DHX36: variants seen among roughly 807,000 people sequenced by gnomAD.
The protein encoded by DHX36 is DEAH-box helicase 36, also known as ATP-dependent DNA/RNA helicase DHX36.
DHX36 carries 50 observed loss-of-function variants against 139.0 expected under a neutral mutation model. The ratio of observed to expected loss-of-function variants is 0.36; its 90% CI spans 0.29 to 0.46. The LOEUF is 0.46. Among genes scored for constraint, DHX36 ranks in the 20% least tolerant of loss-of-function variants. DHX36 has a pLI of 1.00. For synonymous variants in DHX36, 425 were observed against 401.9 expected (o/e 1.06, Z -0.69); for missense variants, 1,024 against 1,211.3 (o/e 0.85, Z 2.29).
chr3:154,303,329 C>A lies in DHX36; in HGVS notation c.1217G>T (p.Arg406Met), dbSNP rs146498505. 232 of 1,584,332 alleles carry A rather than the reference C, an allele frequency of 1.5e-4. 1 individual carries two copies. The South Asian group carries it at 1.5e-3, about 10-fold the overall frequency. The change falls in exon 9 of 25, where the codon AGG becomes ATG. Residue 406 changes from arginine to methionine, a missense_variant and splice_region_variant. By Grantham distance (91) the Arg-to-Met change is moderately conservative. Transcript: ENST00000496811. ...TTTTTATTTCCTAATGTTTACTTAC[C>A]TTATTTTTTCAATTACATCTTCCAA... ...YLLEDVIEKI[R>M]YVPEQKEHRS...
chr3:154,285,372 C>A (rs1436842350), intron 17 of DHX36, among the ~76,000 whole-genome samples: 1 of 152,092 alleles, frequency 6.6e-6, no homozygotes, highest in South Asian at 2.1e-4. Context: ...GTTTAGGTGA[C>A]GCGAGACAGA....
rs559358646 is a variant in DHX36, at chr3:154,273,418, A to G, written c.*2753T>C. The G allele has an allele frequency of 2.6e-5, 4 of 152,338 alleles. No homozygotes were observed. In the South Asian group the frequency reaches 8.3e-4, roughly 32 times the overall value. 9.4% of individuals were successfully genotyped at this position (152,338 alleles called of 1,614,324 possible). ...TTACATACTGGTTTGCAAACACAGA[A>G]CCAACTAATAATCTTTTTTACAGAA... On this transcript the variant is annotated 3_prime_UTR_variant, in exon 25 of 25. Coordinates refer to ENST00000496811, the MANE Select transcript of DHX36 (RefSeq NM_020865.3).
Position 154,300,661 on chromosome 3 carries a change from A to G in DHX36, c.1394T>C (p.Met465Thr). The G allele has an allele frequency of 6.2e-7, 1 of 1,613,740 alleles. No homozygotes were observed. The highest frequency in any genetic ancestry group is 2.2e-5 in the East Asian group (1 of 44,798). The stretch of plus-strand genomic sequence containing the variant: ...ATTCAGATCAACTTTATCATCCTCC[A>G]TCATTTCTATAACATCTACAGTACT... Reference protein sequence around the residue: ...SASTVDVIEMMEDDKVDLNLI... With the variant: ...SASTVDVIEMTEDDKVDLNLI... The change falls in exon 11 of 25, where the codon ATG becomes ACG. Residue 465 changes from methionine (M) to threonine (T), a missense_variant. Around this residue, in one of 4 missense-constraint regions of DHX36, gnomAD observed 115 missense variants for 105.6 expected, o/e 1.09. Transcript: ENST00000496811.
rs186197357 is a variant in DHX36, at chr3:154,323,359, G to T, written c.243+815C>A. 3.6e-4 allele frequency among the ~76,000 whole-genome samples: 54 copies of T among 151,692 alleles called. 1 individual carries two copies. The highest frequency in any genetic ancestry group is 6.0e-4 in the Non-Finnish European group (41 of 67,914). ...TAAAAAAAAAAAAAGTTGCCTAAAT[G>T]ATGATCTAATTACACTCTATAATAC... On this transcript the variant is annotated intron_variant, in intron 1 of 24. Coordinates refer to ENST00000496811, the MANE Select transcript of DHX36 (RefSeq NM_020865.3).
At chr3:154,294,331 C>T (rs11926159) in intron 13 of DHX36, among the ~76,000 whole-genome samples, 2 of 152,106 alleles carry the variant, frequency 1.3e-5, no homozygotes, top group South Asian at 2.1e-4. Flanking sequence ...CCCCACAACC[C>T]GACAATGTCA....
rs200425021 is a variant in DHX36 at position 154,301,161 on chromosome 3, T to C, written c.1218-34A>G. On this transcript the variant is annotated intron_variant, in intron 9 of 24. Transcript: ENST00000496811. ...AAAACATTCTTGAATATCTTCACTT[T>C]TTTGAAACTCTAGTTTTAGCTAAAA... is the stretch of plus-strand genomic sequence containing the variant. 267 of 1,550,532 alleles carry C rather than the reference T, an allele frequency of 1.7e-4. No homozygotes were observed. In the African/African-American group the frequency reaches 3.4e-3, roughly 20 times the overall value.
At chr3:154,280,504 G>A in intron 22 of DHX36, 75 bp downstream of exon 22, 2 of 1,031,976 alleles carry the variant, frequency 1.9e-6, no homozygotes. Context: ...TATAATATAA[G>A]CCTTGTTACA....
Position 154,305,112 on chromosome 3 carries a change from T to C in DHX36, c.950A>G (p.Gln317Arg). The change falls in exon 7 of 25, where the codon CAG becomes CGG. Residue 317 changes from glutamine (Q) to arginine (R), a missense_variant. Transcript: ENST00000496811. The part of the protein sequence containing the change: ...ILYCTTGIIL[Q>R]WLQSDPYLSS... ...TACTCACGGGTCTGACTGGAGCCAC[T>C]GAAGGATGATTCCTGTTGTACAGTA... The C allele has an allele frequency of 1.9e-6, 3 of 1,613,704 alleles. No homozygotes were observed. The highest frequency in any genetic ancestry group is 2.5e-6 in the Non-Finnish European group (3 of 1,179,868).
chr3:154,308,899 T>C (rs1020762719), intron 5 of DHX36, among the ~76,000 whole-genome samples: 3 of 152,112 alleles, frequency 2.0e-5, no homozygotes, highest in Non-Finnish European at 4.4e-5. Context: ...CAAAAATGAC[T>C]GACTATGGCT....
chr3:154,301,910 G>A (rs1712310494), intron 9 of DHX36, among the ~76,000 whole-genome samples: 1 of 152,006 alleles, frequency 6.6e-6, no homozygotes, highest in South Asian at 2.1e-4. Flanking sequence ...GAATGGGGGA[G>A]GGGCTGGAGC....
Position 154,276,313 on chromosome 3 carries a change from T to C in DHX36, c.2885A>G (p.Glu962Gly). 1 of 1,613,528 alleles carries C rather than the reference T, an allele frequency of 6.2e-7. No individual in the cohort carries two copies. Among genetic ancestry groups the C allele is most frequent in the Non-Finnish European group, 8.5e-7 (1 of 1,179,908 alleles). Residue 962 changes from glutamate to glycine, a missense_variant, in exon 25 of 25, where the codon GAA (glutamate) becomes GGA (glycine). This residue lies in a region of DHX36 where 470 missense variants were observed against 616.2 expected (regional missense o/e 0.76). Coordinates refer to ENST00000496811, the MANE Select transcript of DHX36 (RefSeq NM_020865.3). ...ELDILLQEKI[E>G]SPHPVDWNDT... ...ATTCCAGTCTACAGGATGAGGACTT[T>C]CAATCTTCTCTTGCAGAAGAATATC...
At chr3:154,288,147 CAAAAAAAAA>C (rs34632439) in intron 17 of DHX36, among the ~76,000 whole-genome samples, 1 of 53,348 alleles carries the variant, frequency 1.9e-5, no homozygotes, top group African/African-American at 7.8e-5. Flanking sequence ...GACTCTGTCT[CAAAAAAAAA>C]AAAAAAAAAA....
chr3:154,323,318 G>C (rs1003258433), intron 1 of DHX36, among the ~76,000 whole-genome samples: 24 of 151,848 alleles, frequency 1.6e-4, no homozygotes, highest in African/African-American at 5.6e-4. Context: ...CTGGGCGACA[G>C]AGTGAGACCC....
intron 1 of DHX36, among the ~76,000 whole-genome samples, chr3:154,323,087 C>T (rs1713258706): frequency 6.6e-6 from 1 of 152,178 alleles, no homozygotes. Context: ...GTAATCCCAG[C>T]ACTTTGGGAG....
rs544106470 is a variant in DHX36, at chr3:154,285,068, T to A, written c.2032-81A>T. On this transcript the variant is annotated intron_variant, in intron 17 of 24. Transcript: ENST00000496811. ...CGATTTTAGCTTGCTTTAAAAAGAG[T>A]AACAAGCCACTACTCTCTCTTCTAA... 439 of 1,413,660 alleles carry A rather than the reference T, an allele frequency of 3.1e-4. No individual in the cohort carries two copies. The highest frequency in any genetic ancestry group is 2.6e-3 in the Admixed American group (132 of 50,142). 87.6% of individuals were successfully genotyped at this position (1,413,660 alleles called of 1,614,324 possible). A position where few individuals can be genotyped will look rare whatever the true frequency, so the allele number is the denominator to read the frequency against.
Position 154,288,951 on chromosome 3 carries a change from C to T in DHX36, c.1946G>A (p.Gly649Asp), listed in dbSNP as rs755150998. ...TCTACTCAGAAAATAAGCAATTCCACCTAGCCTTAAAATCTAAGTGGGGGA... is the reference window on the plus strand; with the variant it reads ...TCTACTCAGAAAATAAGCAATTCCATCTAGCCTTAAAATCTAAGTGGGGGA... The part of the protein sequence containing the change: ...LCLQIKILRL[G>D]GIAYFLSRLM... The change falls in exon 17 of 25, where the codon GGT becomes GAT. Residue 649 changes from glycine (G) to aspartate (D), a missense_variant. Gly to Asp is a moderately conservative substitution (Grantham distance 94, BLOSUM62 -1). Transcript: ENST00000496811. 1 of 1,562,784 alleles carries T rather than the reference C, an allele frequency of 6.4e-7. No homozygotes were observed. Among genetic ancestry groups the T allele is most frequent in the Admixed American group, 1.8e-5 (1 of 57,130 alleles).
At chr3:154,279,584 G>C (rs894847797) in intron 22 of DHX36, 2 of 152,072 alleles carry the variant, frequency 1.3e-5, no homozygotes, top group Admixed American at 1.3e-4. Context: ...TTTATACCTT[G>C]GAATAGGGTT....
At chr3:154,281,181 G>T (rs925035356) in intron 20 of DHX36, among the ~76,000 whole-genome samples, 2 of 151,986 alleles carry the variant, frequency 1.3e-5, no homozygotes, top group African/African-American at 4.8e-5. Flanking sequence ...TTTGCATGTT[G>T]TAAGGAATAG....
intron 15 of DHX36, among the ~76,000 whole-genome samples, chr3:154,290,590 C>T (rs1054443702): frequency 7.8e-5 from 11 of 140,306 alleles, no homozygotes; most frequent in Admixed American, 2.3e-4. Context: ...GAGCCAAGAT[C>T]GTGCCATGTA....
Sources: allele counts gnomAD v4.1 joint callset (sites outside exome capture counted in the v4.1 genomes callset), GRCh38; gene constraint gnomAD v4.1.1; regional missense constraint gnomAD v4.1.1; transcripts MANE v1.5; gene names NCBI Gene and HGNC (gene_info 2026-07-23, HGNC 2026-07-21).